Variants in TAFA2 observed in about 807,000 individuals in gnomAD.
TAFA2 encodes the protein chemokine-like protein TAFA-2.
A neutral mutation model predicts 18.8 loss-of-function variants in TAFA2; 7 were observed. That is an observed-to-expected ratio of 0.37 (90% CI 0.21 to 0.70). TAFA2 has a LOEUF of 0.70. Ranked by LOEUF, TAFA2 falls within the 30% of genes least tolerant of loss-of-function variation. The pLI is 0.53. For synonymous variants in TAFA2, 60 were observed against 54.2 expected (o/e 1.11, Z -0.47); for missense variants, 122 against 158.1 (o/e 0.77, Z 1.23).
At chr12:62,104,276 C>CAAAA (rs66467365) in intron 1 of TAFA2, among the ~76,000 whole-genome samples, 7,316 of 145,754 alleles carry the variant, frequency 0.05, 252 homozygotes, top group Non-Finnish European at 0.077. Flanking sequence ...TCTTCTGAAG[C>CAAAA]AAAAAAAAAA....
intron 2 of TAFA2, among the ~76,000 whole-genome samples, chr12:61,792,288 G>C (rs1871013762): frequency 3.3e-5 from 5 of 151,398 alleles, no homozygotes; most frequent in Admixed American, 3.3e-4. Flanking sequence ...TGGATACAAA[G>C]TTACAATTAG....
intron 3 of TAFA2, 88 bp from the exon 4 acceptor site, chr12:61,753,834 A>T (rs913995107): frequency 2.5e-6 from 3 of 1,223,074 alleles, no homozygotes; most frequent in Non-Finnish European, 2.2e-6. Context: ...AAAGCCACTA[A>T]TTTTTCCTAC....
At chr12:62,211,134 A>C (rs1176833177) in intron 1 of TAFA2, among the ~76,000 whole-genome samples, 1 of 152,232 alleles carries the variant, frequency 6.6e-6, no homozygotes, top group Admixed American at 6.5e-5. Context: ...CATAGATAGC[A>C]CCTGCCCTTT....
chr12:62,010,233 T>C (rs991085547), intron 1 of TAFA2, among the ~76,000 whole-genome samples: 3 of 142,940 alleles, frequency 2.1e-5, no homozygotes, highest in Non-Finnish European at 4.6e-5. Flanking sequence ...TGTACTGCCG[T>C]GGTCTCGGCT....
chr12:61,976,865 A>G (rs1440351659), intron 1 of TAFA2, among the ~76,000 whole-genome samples: 3 of 152,108 alleles, frequency 2.0e-5, no homozygotes, highest in South Asian at 4.2e-4. Context: ...ATCCTTTTTT[A>G]TGGCTGCATA....
At chr12:62,250,765 C>T (rs1353467627) in intron 1 of TAFA2, among the ~76,000 whole-genome samples, 2 of 152,078 alleles carry the variant, frequency 1.3e-5, no homozygotes, top group Non-Finnish European at 2.9e-5. Context: ...ATGATTACTC[C>T]CTTCCCCTCT....
At chr12:62,146,188 C>T (rs546240756) in intron 1 of TAFA2, among the ~76,000 whole-genome samples, 1 of 152,066 alleles carries the variant, frequency 6.6e-6, no homozygotes, top group Non-Finnish European at 1.5e-5. Context: ...TCTCATCTCA[C>T]CTCAAGAAGG....
At chr12:61,955,652 T>A (rs1592512337) in intron 1 of TAFA2, among the ~76,000 whole-genome samples, 1 of 99,704 alleles carries the variant, frequency 1.0e-5, no homozygotes, top group Non-Finnish European at 2.0e-5. Context: ...TATATATATA[T>A]ATATATATAT....
chr12:62,227,753 A>C (rs570779184), intron 1 of TAFA2, among the ~76,000 whole-genome samples: 1 of 152,160 alleles, frequency 6.6e-6, no homozygotes, highest in Non-Finnish European at 1.5e-5. Flanking sequence ...TCAATCCTAG[A>C]CTTAAGTATT....
intron 1 of TAFA2, among the ~76,000 whole-genome samples, chr12:62,106,624 C>T (rs1233320329): frequency 6.6e-6 from 1 of 152,196 alleles, no homozygotes; most frequent in Non-Finnish European, 1.5e-5. Context: ...ATAGATGACA[C>T]TGTGGCCTGC....
intron 1 of TAFA2, among the ~76,000 whole-genome samples, chr12:62,091,805 A>T (rs1868726668): frequency 6.6e-6 from 1 of 152,006 alleles, no homozygotes; most frequent in South Asian, 2.1e-4. Flanking sequence ...TAACTGTCTC[A>T]TATCTGCTCT....
chr12:62,241,179 T>G (rs1287555738), intron 1 of TAFA2, among the ~76,000 whole-genome samples: 1 of 152,150 alleles, frequency 6.6e-6, no homozygotes, highest in Non-Finnish European at 1.5e-5. Context: ...GACACTCCCT[T>G]TGCAGCACAT....
intron 4 of TAFA2, among the ~76,000 whole-genome samples, chr12:61,736,079 C>T (rs1212197194): frequency 6.6e-6 from 1 of 151,912 alleles, no homozygotes; most frequent in Non-Finnish European, 1.5e-5. Context: ...GAGAGATTTA[C>T]CAGGGCTCCC....
chr12:62,122,095 G>T lies in TAFA2; in HGVS notation c.-2+69164C>A, dbSNP rs539201795. ...AGGGTGAAGGGTGGAAGGAGGGAGA[G>T]GATCAGGAAAAATAACTAATCGGTA... On this transcript the variant is annotated intron_variant, in intron 1 of 4. Coordinates refer to ENST00000416284, the MANE Select transcript of TAFA2 (RefSeq NM_178539.5). 5.3e-5 allele frequency among the ~76,000 whole-genome samples: 8 copies of T among 152,290 alleles called. No individual in the cohort carries two copies. The South Asian group carries it at 1.7e-3, about 32-fold the overall frequency.
At chr12:62,215,434 A>T (rs2062730312) in intron 1 of TAFA2, among the ~76,000 whole-genome samples, 1 of 152,098 alleles carries the variant, frequency 6.6e-6, no homozygotes. Flanking sequence ...GGAAGTACTG[A>T]CATTTTCACC....
intron 1 of TAFA2, among the ~76,000 whole-genome samples, chr12:62,201,083 G>A (rs1228587379): frequency 1.3e-5 from 2 of 152,072 alleles, no homozygotes; most frequent in Admixed American, 6.6e-5. Flanking sequence ...ATTTTTGTAT[G>A]TTTATTTTGT....
At chr12:61,752,558 A>G (rs1869068409) in intron 4 of TAFA2, among the ~76,000 whole-genome samples, 1 of 152,052 alleles carries the variant, frequency 6.6e-6, no homozygotes, top group South Asian at 2.1e-4. Context: ...GGTTTTGAAA[A>G]GGTGTGACAC....
intron 1 of TAFA2, among the ~76,000 whole-genome samples, chr12:62,149,692 A>G (rs2062314342): frequency 6.6e-6 from 1 of 151,706 alleles, no homozygotes; most frequent in African/African-American, 2.4e-5. Flanking sequence ...AAGTATATTA[A>G]TAACTATGAC....
chr12:61,754,075 G>C (rs1869147295), intron 3 of TAFA2, among the ~76,000 whole-genome samples: 1 of 151,884 alleles, frequency 6.6e-6, no homozygotes, highest in South Asian at 2.1e-4. Context: ...CTTCATGAAA[G>C]CTAAGATATT....
Sources: allele counts gnomAD v4.1 joint callset (sites outside exome capture counted in the v4.1 genomes callset), GRCh38; gene constraint gnomAD v4.1.1; transcripts MANE v1.5; gene names NCBI Gene and HGNC (gene_info 2026-07-23, HGNC 2026-07-21).